Variants in PIBF1 observed in about 807,000 individuals in gnomAD.
PIBF1 encodes the protein progesterone immunomodulatory binding factor 1.
In PIBF1, 90 loss-of-function variants were observed where a neutral mutation model predicts 112.5. The ratio of observed to expected loss-of-function variants is 0.80; its 90% CI spans 0.67 to 0.95. The LOEUF (loss-of-function observed/expected upper bound fraction) is 0.95. Ranked by LOEUF, PIBF1 falls within the 40% of genes least tolerant of loss-of-function variation. PIBF1 has a pLI of 0.00. For synonymous variants in PIBF1, 301 were observed against 288.6 expected, an observed-to-expected ratio of 1.04 and a Z score of -0.44; for missense variants, 915 against 852.3, an observed-to-expected ratio of 1.07 and a Z score of -0.92.
chr13:72,870,055 G>A (rs1020479584), intron 10 of PIBF1, among the ~76,000 whole-genome samples: 2 of 152,080 alleles, frequency 1.3e-5, no homozygotes, highest in African/African-American at 2.4e-5. Flanking sequence ...TCTGATAAAT[G>A]TTATAAATTT....
chr13:72,998,405 G>T (rs1189427710), intron 16 of PIBF1, among the ~76,000 whole-genome samples: 1 of 151,748 alleles, frequency 6.6e-6, no homozygotes, highest in Admixed American at 6.6e-5. Context: ...AGCCCAGGAG[G>T]TAGAGGCTGC....
chr13:72,949,459 G>T (rs997035705), intron 14 of PIBF1, among the ~76,000 whole-genome samples: 1 of 151,924 alleles, frequency 6.6e-6, no homozygotes, highest in Non-Finnish European at 1.5e-5. Context: ...GGGATTACAG[G>T]TGTGTGCCAC....
chr13:72,978,639 A>G (rs2043082687), intron 16 of PIBF1, among the ~76,000 whole-genome samples: 1 of 152,110 alleles, frequency 6.6e-6, no homozygotes, highest in South Asian at 2.1e-4. Flanking sequence ...CAGGTGTTAT[A>G]ATCTTTTTTT....
intron 14 of PIBF1, among the ~76,000 whole-genome samples, chr13:72,931,718 GTATATA>G (rs3077704): frequency 0.08 from 8,133 of 101,968 alleles, 548 homozygotes; most frequent in Non-Finnish European, 0.11. Context: ...TTTAAACTAC[GTATATA>G]TATATATATA....
chr13:72,782,898 GTGTGTGTGTT>G (rs1025138503), intron 1 of PIBF1, among the ~76,000 whole-genome samples: 14 of 143,628 alleles, frequency 9.7e-5, no homozygotes, highest in South Asian at 2.2e-4. Flanking sequence ...GTGTGTGTGT[GTGTGTGTGTT>G]TGTGTTTGTG....
At chr13:72,917,839 T>C (rs1389351092) in intron 13 of PIBF1, among the ~76,000 whole-genome samples, 1 of 152,222 alleles carries the variant, frequency 6.6e-6, no homozygotes, top group Non-Finnish European at 1.5e-5. Context: ...TTAGGTATTA[T>C]AAGTAATCTA....
At chr13:72,792,908 C>A (rs2035009055) in intron 3 of PIBF1, among the ~76,000 whole-genome samples, 1 of 152,292 alleles carries the variant, frequency 6.6e-6, no homozygotes, top group South Asian at 2.1e-4. Flanking sequence ...TGTGTACTTT[C>A]TCTAGCTCAG....
intron 5 of PIBF1, among the ~76,000 whole-genome samples, chr13:72,805,353 A>T (rs2035676457): frequency 6.6e-6 from 1 of 152,202 alleles, no homozygotes; most frequent in South Asian, 2.1e-4. Flanking sequence ...CATGTTAGCC[A>T]GGATGGTCTC....
At chr13:72,968,905 A>T (rs1214907154) in intron 15 of PIBF1, among the ~76,000 whole-genome samples, 1 of 151,834 alleles carries the variant, frequency 6.6e-6, no homozygotes, top group African/African-American at 2.4e-5. Context: ...TGCCAGTGTG[A>T]TGGCACGCTT....
At chr13:72,944,230 T>C (rs910183618) in intron 14 of PIBF1, among the ~76,000 whole-genome samples, 3 of 152,068 alleles carry the variant, frequency 2.0e-5, no homozygotes, top group Non-Finnish European at 4.4e-5. Flanking sequence ...GGTGATCACC[T>C]GAGGTCAGGA....
chr13:72,867,133 G>A (rs1408092771), intron 10 of PIBF1, among the ~76,000 whole-genome samples: 6 of 152,044 alleles, frequency 3.9e-5, no homozygotes, highest in Non-Finnish European at 5.9e-5. Flanking sequence ...ATTGAATCAC[G>A]GGGGCAGATC....
chr13:72,987,677 C>T (rs1272829195), intron 16 of PIBF1, among the ~76,000 whole-genome samples: 2 of 141,444 alleles, frequency 1.4e-5, no homozygotes, highest in African/African-American at 5.2e-5. Flanking sequence ...TTTTATTTTC[C>T]TTTGTTGTTT....
intron 9 of PIBF1, among the ~76,000 whole-genome samples, chr13:72,849,729 A>G (rs2038044691): frequency 1.3e-5 from 2 of 152,180 alleles, no homozygotes; most frequent in Admixed American, 1.3e-4. Context: ...AAGCAAAGGA[A>G]ATTTTAAGAG....
intron 16 of PIBF1, among the ~76,000 whole-genome samples, chr13:72,974,935 T>C (rs2138947256): frequency 6.6e-6 from 1 of 152,318 alleles, no homozygotes; most frequent in African/African-American, 2.4e-5. Context: ...AGAGTTCCAG[T>C]TTCTCTGCAT....
intron 9 of PIBF1, among the ~76,000 whole-genome samples, chr13:72,838,509 C>T (rs549340450): frequency 2.2e-4 from 33 of 152,312 alleles, no homozygotes; most frequent in African/African-American, 7.5e-4. Context: ...CAGAGAGACT[C>T]CAGGGGTCCC....
At chr13:72,843,704 G>A (rs936183010) in intron 9 of PIBF1, among the ~76,000 whole-genome samples, 6 of 152,108 alleles carry the variant, frequency 3.9e-5, no homozygotes, top group East Asian at 3.9e-4. Flanking sequence ...GAGCCACCGC[G>A]CCTGGCCTAA....
At chr13:72,909,044 C>CA (rs199506141) in intron 12 of PIBF1, among the ~76,000 whole-genome samples, 105 of 140,706 alleles carry the variant, frequency 7.5e-4, no homozygotes, top group African/African-American at 2.3e-3. Context: ...AATACTGTCT[C>CA]AAAAAAAAAA....
intron 2 of PIBF1, among the ~76,000 whole-genome samples, chr13:72,791,935 A>C (rs879391742): frequency 4.0e-5 from 6 of 151,002 alleles, no homozygotes; most frequent in African/African-American, 1.5e-4. Context: ...CACCCAGCTG[A>C]AAATAAATTT....
At chr13:73,005,014 G>A (rs970184832) in intron 17 of PIBF1, among the ~76,000 whole-genome samples, 9 of 152,002 alleles carry the variant, frequency 5.9e-5, no homozygotes, top group East Asian at 1.9e-4. Context: ...GAGAAATCCC[G>A]TCTCTACTAA....
Sources: allele counts gnomAD v4.1 joint callset (sites outside exome capture counted in the v4.1 genomes callset), GRCh38; gene constraint gnomAD v4.1.1; transcripts MANE v1.5; gene names NCBI Gene and HGNC (gene_info 2026-07-23, HGNC 2026-07-21).